Variants in TTC28 observed in about 807,000 individuals in gnomAD.
TTC28 encodes tetratricopeptide repeat domain 28.
A neutral mutation model predicts 198.0 loss-of-function variants in TTC28; 61 were observed. That is an observed-to-expected ratio of 0.31 (90% CI 0.25 to 0.38). The LOEUF (loss-of-function observed/expected upper bound fraction) is 0.38, where lower values mean the gene tolerates loss of function less well. TTC28 is among the 10% of genes least tolerant of loss of function. The pLI is 1.00. For synonymous variants in TTC28, 1,171 were observed against 1,297.8 expected (o/e 0.90, Z 2.10); for missense variants, 2,678 against 3,164.0 (o/e 0.85, Z 3.69).
At position 28,358,932 on chromosome 22, in the gene TTC28, G is replaced by A. The variant is rs73437897; in HGVS notation, c.382-52289C>T. 4.9e-3 allele frequency among the ~76,000 whole-genome samples: 746 copies of A among 151,872 alleles called. 3 individuals are homozygous for A. Among genetic ancestry groups the A allele is most frequent in the African/African-American group, 0.017 (715 of 41,376 alleles). ...CCCTTTTCTATATAACCTTCACATC[G>A]CCTGTCTTCAGCTAAGTAATATGGG... On this transcript the variant is annotated intron_variant, in intron 2 of 22. Transcript: ENST00000397906.
At chr22:28,429,646 A>G (rs977617757) in intron 2 of TTC28, among the ~76,000 whole-genome samples, 1 of 152,126 alleles carries the variant, frequency 6.6e-6, no homozygotes, top group Non-Finnish European at 1.5e-5. Context: ...TTTCCAATTA[A>G]TTGTATTATA....
At chr22:28,495,798 A>G (rs551886695) in intron 2 of TTC28, among the ~76,000 whole-genome samples, 216 of 152,302 alleles carry the variant, frequency 1.4e-3, no homozygotes, top group African/African-American at 4.9e-3. Flanking sequence ...ACATATTAAT[A>G]TAAGTTTAAC....
At position 27,985,293 on chromosome 22, in the gene TTC28, C is replaced by T. The variant is rs1485205249; in HGVS notation, c.5771G>A (p.Arg1924Gln). 1.8e-5 allele frequency: 28 copies of T among 1,551,492 alleles called. No homozygotes were observed. Among genetic ancestry groups the T allele is most frequent in the African/African-American group, 2.7e-5 (2 of 73,158 alleles). ...CTGGAGCGCGAAGTGCACAGTCCGT[C>T]GATTAGCTTGCTTCCCGGTTTTCAG... is the stretch of plus-strand genomic sequence containing the variant. Reference protein sequence around the residue: ...VILKTGKQANRRTVHFALQSL... With the variant: ...VILKTGKQANQRTVHFALQSL... The change falls in exon 22 of 23, where the codon CGA becomes CAA. Residue 1924 changes from arginine to glutamine, a missense_variant. By Grantham distance (43) the Arg-to-Gln change is conservative. This residue lies in a region of TTC28 where 314 missense variants were observed against 442.7 expected (regional missense o/e 0.71). Coordinates refer to ENST00000397906, the MANE Select transcript of TTC28 (RefSeq NM_001145418.2).
rs530512387 is a variant in TTC28 at position 28,081,580 on chromosome 22, C to T, written c.3932+12500G>A. On this transcript the variant is annotated intron_variant, in intron 12 of 22. Coordinates refer to ENST00000397906, the MANE Select transcript of TTC28 (RefSeq NM_001145418.2). ...CGATCTTGGCTCACTGCAACCTCTG[C>T]CTCCTGGGTTCAAGTGATTCTCCCC... Among the ~76,000 whole-genome samples the T allele has an allele frequency of 8.2e-4, 124 of 151,754 alleles. 1 individual carries two copies. Among genetic ancestry groups the T allele is most frequent in the African/African-American group, 2.8e-3 (117 of 41,328 alleles).
At chr22:28,334,251 T>C (rs904640231) in intron 2 of TTC28, among the ~76,000 whole-genome samples, 1 of 152,010 alleles carries the variant, frequency 6.6e-6, no homozygotes, top group Non-Finnish European at 1.5e-5. Context: ...CAGTCTATCA[T>C]TGATGGACAT....
At chr22:28,133,992 G>T (rs1360447467) in intron 6 of TTC28, among the ~76,000 whole-genome samples, 2 of 152,168 alleles carry the variant, frequency 1.3e-5, no homozygotes, top group Non-Finnish European at 1.5e-5. Context: ...CACGCGGCCA[G>T]GTACCCCTCT....
At chr22:28,057,382 A>G (rs2345012) in intron 12 of TTC28, among the ~76,000 whole-genome samples, 4,989 of 152,210 alleles carry the variant, frequency 0.033, 162 homozygotes, top group East Asian at 0.08. Context: ...ATCATGCTAG[A>G]TATCTATCAT....
chr22:28,169,139 G>C (rs913502138), intron 5 of TTC28, among the ~76,000 whole-genome samples: 3 of 152,182 alleles, frequency 2.0e-5, no homozygotes, highest in Non-Finnish European at 2.9e-5. Flanking sequence ...TCGCACACCA[G>C]TTAGAATGGC....
chr22:28,438,103 T>A (rs1336696312), intron 2 of TTC28, among the ~76,000 whole-genome samples: 4 of 152,200 alleles, frequency 2.6e-5, no homozygotes, highest in Non-Finnish European at 5.9e-5. Flanking sequence ...CTTCTCTGTA[T>A]AACTACTTTT....
At chr22:28,045,935 A>C (rs1292601801) in intron 12 of TTC28, among the ~76,000 whole-genome samples, 1 of 152,236 alleles carries the variant, frequency 6.6e-6, no homozygotes, top group Non-Finnish European at 1.5e-5. Flanking sequence ...GCACCACTGT[A>C]CTTCAGCCTG....
chr22:28,256,442 C>G (rs909344493), intron 5 of TTC28, among the ~76,000 whole-genome samples: 3 of 146,572 alleles, frequency 2.0e-5, no homozygotes, highest in African/African-American at 7.5e-5. Flanking sequence ...AAAAAAAATA[C>G]GAGAGACTTG....
At chr22:28,014,413 G>GGATC (rs1473733150) in intron 13 of TTC28, 21 bp from the exon 14 acceptor site, 4 of 1,540,038 alleles carry the variant, frequency 2.6e-6, no homozygotes, top group Non-Finnish European at 3.5e-6. Context: ...AAGGGCCGAG[G>GGATC]GATCAATCAG....
At chr22:28,289,807 C>A (rs918846664) in intron 5 of TTC28, among the ~76,000 whole-genome samples, 2 of 152,178 alleles carry the variant, frequency 1.3e-5, no homozygotes, top group Admixed American at 6.5e-5. Flanking sequence ...GGGTGGATCA[C>A]CTGAGATCAG....
At chr22:28,026,089 G>C (rs1444800102) in intron 13 of TTC28, among the ~76,000 whole-genome samples, 1 of 152,190 alleles carries the variant, frequency 6.6e-6, no homozygotes, top group Non-Finnish European at 1.5e-5. Flanking sequence ...TCCACTGTAG[G>C]CCAGGCTTTC....
At chr22:28,038,254 C>T (rs1057454221) in intron 12 of TTC28, among the ~76,000 whole-genome samples, 1 of 152,306 alleles carries the variant, frequency 6.6e-6, no homozygotes, top group South Asian at 2.1e-4. Flanking sequence ...CATCAAGCTA[C>T]CTGACTTCAA....
At chr22:28,106,633 G>A (rs898285447) in intron 7 of TTC28, among the ~76,000 whole-genome samples, 4 of 152,128 alleles carry the variant, frequency 2.6e-5, no homozygotes, top group Non-Finnish European at 4.4e-5. Context: ...ACACAATGGG[G>A]CCTAAGTAAT....
At chr22:28,162,996 A>G (rs1921403369) in intron 6 of TTC28, 96 bp downstream of exon 6, 5 of 1,377,756 alleles carry the variant, frequency 3.6e-6, no homozygotes, top group Middle Eastern at 2.6e-4. Context: ...TCTTTTAAAT[A>G]TAAACACACA....
intron 2 of TTC28, among the ~76,000 whole-genome samples, chr22:28,389,679 A>G (rs1371534740): frequency 2.0e-5 from 3 of 150,836 alleles, no homozygotes; most frequent in East Asian, 1.9e-4. Context: ...CTGTGGTATC[A>G]GTGGTGATAT....
At position 28,096,389 on chromosome 22, in the gene TTC28, C is replaced by T; in HGVS notation, c.3567G>A (p.Leu1189=). Residue 1189 remains leucine (L), a synonymous_variant, in exon 11 of 23, where the codon CTG becomes CTA. Coordinates refer to ENST00000397906, the MANE Select transcript of TTC28 (RefSeq NM_001145418.2). ...TTGTCCGTCCCCTTTCTGCCACAGC[C>T]AGGGCTTCATCATGATGGCCTAGGA... ...LVSLGHHDEA[L]AVAERGRTRA... is the part of the protein sequence containing the mutation. The T allele has an allele frequency of 6.4e-7, 1 of 1,551,454 alleles. No individual in the cohort carries two copies. Among genetic ancestry groups the T allele is most frequent in the African/African-American group, 1.4e-5 (1 of 73,146 alleles).
Sources: gnomAD v4.1 joint callset for allele counts (sites outside exome capture counted in the v4.1 genomes callset) on GRCh38, gnomAD v4.1.1 for gene constraint, gnomAD v4.1.1 regional missense constraint, MANE v1.5 for transcripts, NCBI Gene and HGNC (gene_info 2026-07-23, HGNC 2026-07-21) for gene names.